The following NCOA2 variants were observed in gnomAD, a reference collection of about 807,000 sequenced individuals.
NCOA2 encodes the protein nuclear receptor coactivator 2.
NCOA2 carries 21 observed loss-of-function variants against 145.1 expected under a neutral mutation model. The observed-to-expected ratio is 0.14, with a 90% CI of 0.10 to 0.21. The LOEUF (loss-of-function observed/expected upper bound fraction) is 0.21, where lower values mean the gene tolerates loss of function less well. Among genes scored for constraint, NCOA2 ranks in the 10% least tolerant of loss-of-function variants. The probability of loss-of-function intolerance (pLI) is 1.00; values close to 1 mark genes in which losing one functional copy is unlikely to be tolerated. For synonymous variants in NCOA2, 619 were observed against 637.5 expected (o/e 0.97, Z 0.44); for missense variants, 1,472 against 1,837.6 (o/e 0.80, Z 3.64).
At chr8:70,430,761 T>C in the NCOA2 span, among the ~76,000 whole-genome samples, 1 of 152,208 alleles carries the variant, frequency 6.6e-6, no homozygotes, top group Non-Finnish European at 1.5e-5. Flanking sequence ...ACACAGGTCA[T>C]CAGAAGGAAC....
At chr8:70,224,929 C>A (rs971236156) in intron 2 of NCOA2, among the ~76,000 whole-genome samples, 9 of 151,990 alleles carry the variant, frequency 5.9e-5, no homozygotes, top group Non-Finnish European at 2.9e-5. Flanking sequence ...TCCTCCCTGT[C>A]CTCCTGCTCC....
At chr8:70,220,815 C>A (rs965729596) in intron 2 of NCOA2, among the ~76,000 whole-genome samples, 2 of 152,124 alleles carry the variant, frequency 1.3e-5, no homozygotes, top group African/African-American at 4.8e-5. Flanking sequence ...ATCAAGACAG[C>A]CTATCTTCCA....
chr8:70,405,693 A>T (rs113307982), upstream of NCOA2, among the ~76,000 whole-genome samples: 599 of 148,786 alleles, frequency 4.0e-3, 9 homozygotes, highest in African/African-American at 0.014. Flanking sequence ...ATAAAAATTT[A>T]AAAAAAAGAT....
intron 9 of NCOA2, among the ~76,000 whole-genome samples, chr8:70,162,082 G>A (rs888874787): frequency 2.6e-5 from 4 of 152,170 alleles, no homozygotes; most frequent in Non-Finnish European, 4.4e-5. Context: ...TCCAGAGTGA[G>A]AGACGTGATG....
chr8:70,396,720 T>C (rs1341058544), intron 1 of NCOA2, among the ~76,000 whole-genome samples: 3 of 152,226 alleles, frequency 2.0e-5, no homozygotes, highest in African/African-American at 7.2e-5. Context: ...GTATAAGCCC[T>C]CCTTAAGGCA....
At chr8:70,403,633 C>A in intron 1 of NCOA2, 67 bp downstream of exon 1, 1 of 345,370 alleles carries the variant, frequency 2.9e-6, no homozygotes, top group Non-Finnish European at 5.2e-6. Context: ...GGGGTGGGGA[C>A]GCGGCGCCCC....
chr8:70,177,367 G>A (rs925195358), intron 4 of NCOA2, among the ~76,000 whole-genome samples: 7 of 152,106 alleles, frequency 4.6e-5, no homozygotes, highest in African/African-American at 1.7e-4. Flanking sequence ...TAAGCTTTTT[G>A]AACTGTGTCT....
chr8:70,121,257 G>T, intron 22 of NCOA2, 45 bp downstream of exon 22: 1 of 1,505,842 alleles, frequency 6.6e-7, no homozygotes, highest in Non-Finnish European at 9.1e-7. Context: ...AAATATTCAT[G>T]TTTGCTTTAC....
intron 21 of NCOA2, 50 bp downstream of exon 21, chr8:70,123,834 A>C: frequency 2.7e-6 from 4 of 1,478,780 alleles, no homozygotes; most frequent in Non-Finnish European, 3.6e-6. Flanking sequence ...CAGAAGTAGA[A>C]AAAAAGCCGT....
the NCOA2 span, among the ~76,000 whole-genome samples, chr8:70,417,473 T>C: frequency 0.17 from 25,367 of 151,772 alleles, 4,192 homozygotes; most frequent in African/African-American, 0.43. Context: ...TGCTTTAACC[T>C]GGGAGGCAGA....
chr8:70,396,265 G>A (rs1813664588), intron 1 of NCOA2, among the ~76,000 whole-genome samples: 1 of 152,190 alleles, frequency 6.6e-6, no homozygotes, highest in Non-Finnish European at 1.5e-5. Context: ...CCTCTATAGT[G>A]CTCTGTCAAT....
At chr8:70,292,393 T>C (rs1826763223) in intron 2 of NCOA2, among the ~76,000 whole-genome samples, 5 of 151,918 alleles carry the variant, frequency 3.3e-5, no homozygotes, top group Admixed American at 3.3e-4. Flanking sequence ...CCTCGTGATC[T>C]GCCGCCTGGG....
intron 1 of NCOA2, among the ~76,000 whole-genome samples, chr8:70,394,345 G>C (rs569586836): frequency 6.6e-6 from 1 of 152,136 alleles, no homozygotes. Context: ...AACTGAGATG[G>C]GGTTTCTCCA....
chr8:70,305,030 T>G (rs936553266), intron 1 of NCOA2, among the ~76,000 whole-genome samples: 16 of 151,230 alleles, frequency 1.1e-4, no homozygotes, highest in Non-Finnish European at 2.1e-4. Context: ...TGGCTGATTT[T>G]CATATTTATT....
intron 1 of NCOA2, among the ~76,000 whole-genome samples, chr8:70,365,483 A>C (rs980557386): frequency 6.6e-6 from 1 of 152,258 alleles, no homozygotes; most frequent in African/African-American, 2.4e-5. Flanking sequence ...CTGATTATCT[A>C]TGTAGTCTCT....
chr8:70,450,473 G>C, the NCOA2 span, among the ~76,000 whole-genome samples: 2 of 151,736 alleles, frequency 1.3e-5, no homozygotes, highest in Non-Finnish European at 2.9e-5. Flanking sequence ...CCAGCCTCCA[G>C]AACTGTGAGC....
chr8:70,186,216 A>G (rs1816054284), intron 4 of NCOA2, among the ~76,000 whole-genome samples: 1 of 152,196 alleles, frequency 6.6e-6, no homozygotes, highest in Non-Finnish European at 1.5e-5. Flanking sequence ...CTTTCTAACC[A>G]TTAGAAGGTC....
chr8:70,164,624 T>C (rs1813410305), intron 7 of NCOA2, among the ~76,000 whole-genome samples: 1 of 152,120 alleles, frequency 6.6e-6, no homozygotes. Context: ...TTTTTCTTTC[T>C]CAACTTTTAC....
intron 1 of NCOA2, among the ~76,000 whole-genome samples, chr8:70,340,864 G>A (rs898768317): frequency 2.6e-5 from 4 of 152,114 alleles, no homozygotes; most frequent in Non-Finnish European, 4.4e-5. Flanking sequence ...TTACTTGTAA[G>A]TGGGAGTTGA....
Sources: allele counts gnomAD v4.1 joint callset (sites outside exome capture counted in the v4.1 genomes callset), GRCh38; gene constraint gnomAD v4.1.1; transcripts MANE v1.5; gene names NCBI Gene and HGNC (gene_info 2026-07-23, HGNC 2026-07-21).